The following RBFOX1 variants were observed in gnomAD, a reference collection of about 807,000 sequenced individuals.
RBFOX1 encodes the protein RNA binding protein fox-1 homolog 1.
RBFOX1 carries 8 observed loss-of-function variants against 57.7 expected under a neutral mutation model. The ratio of observed to expected loss-of-function variants is 0.14; its 90% CI spans 0.08 to 0.25. RBFOX1 has a LOEUF of 0.25. Among genes scored for constraint, RBFOX1 ranks in the 10% least tolerant of loss-of-function variants. The probability of loss-of-function intolerance (pLI) is 1.00; values close to 1 mark genes in which losing one functional copy is unlikely to be tolerated. For synonymous variants in RBFOX1, 326 were observed against 222.4 expected (o/e 1.47, Z -4.15); for missense variants, 611 against 548.5 (o/e 1.11, Z -1.14).
intron 3 of RBFOX1, among the ~76,000 whole-genome samples, chr16:6,822,392 G>C (rs1425529817): frequency 6.6e-6 from 1 of 152,182 alleles, no homozygotes; most frequent in Admixed American, 6.5e-5. Flanking sequence ...TGTCAGGGGA[G>C]ATGCCAGCAA....
At chr16:6,877,250 G>C (rs1181006016) in intron 3 of RBFOX1, among the ~76,000 whole-genome samples, 5 of 152,174 alleles carry the variant, frequency 3.3e-5, no homozygotes, top group African/African-American at 1.2e-4. Context: ...CCCACATGTT[G>C]ACATGTCCTA....
At position 6,020,040 on chromosome 16, in the gene RBFOX1, G is replaced by T; in HGVS notation, c.-127+48G>T. 2.8e-6 allele frequency: 4 copies of T among 1,432,412 alleles called. No individual in the cohort carries two copies. In the South Asian group the frequency reaches 4.2e-5, roughly 15 times the overall value. 88.7% of individuals were successfully genotyped at this position (1,432,412 alleles called of 1,614,324 possible). On this transcript the variant is annotated intron_variant, in intron 1 of 15. Coordinates refer to ENST00000550418, the MANE Select transcript of RBFOX1 (RefSeq NM_018723.4). Reference sequence around the variant, plus strand: ...CCTCTGCACCCACCCTGACCTGGTGGGTCAGGTCCAGAAGGTCTCATGGAG... The same window carrying T: ...CCTCTGCACCCACCCTGACCTGGTGTGTCAGGTCCAGAAGGTCTCATGGAG...
intron 2 of RBFOX1, among the ~76,000 whole-genome samples, chr16:6,641,263 A>T (rs767165383): frequency 6.6e-6 from 1 of 152,126 alleles, no homozygotes; most frequent in African/African-American, 2.4e-5. Flanking sequence ...ATTCCTGTTG[A>T]CGTCAGAGGA....
chr16:7,168,583 T>G (rs572395724), intron 4 of RBFOX1, among the ~76,000 whole-genome samples: 1 of 151,988 alleles, frequency 6.6e-6, no homozygotes, highest in Non-Finnish European at 1.5e-5. Flanking sequence ...GTTAGAAGGG[T>G]TTTTCTGGTA....
chr16:5,745,395 A>T (rs530512061), intron 3 of RBFOX1, among the ~76,000 whole-genome samples: 2 of 152,320 alleles, frequency 1.3e-5, no homozygotes, highest in African/African-American at 4.8e-5. Context: ...TAGTGCCGCA[A>T]TAAACATATG....
In RBFOX1 at chr16:6,981,042, C is replaced by CAAAAAAAAAAAAAAAAA. The variant is rs36117809; in HGVS notation, c.-15-71014_-15-70998dup. Among the ~76,000 whole-genome samples, 11 of 77,432 alleles carry CAAAAAAAAAAAAAAAAA rather than the reference C, an allele frequency of 1.4e-4. 2 individuals are homozygous for CAAAAAAAAAAAAAAAAA. Among genetic ancestry groups the CAAAAAAAAAAAAAAAAA allele is most frequent in the African/African-American group, 7.1e-4 (9 of 12,682 alleles). The allele number at this position is 77,432 out of a possible 152,430, so 50.8% of individuals were successfully genotyped here. A position where few individuals can be genotyped will look rare whatever the true frequency, so the allele number is the denominator to read the frequency against. Reference sequence around the variant, plus strand: ...TGGGTGGCAGAGCAAGTCTCAGTCTCAAAAAAAAAAAAAAAAACACTAAAA... The same window carrying CAAAAAAAAAAAAAAAAA: ...TGGGTGGCAGAGCAAGTCTCAGTCTCAAAAAAAAAAAAAAAAAAAAAAAAAAAAAAAAAACACTAAAA... On this transcript the variant is annotated intron_variant, in intron 3 of 15. Coordinates refer to ENST00000550418, the MANE Select transcript of RBFOX1 (RefSeq NM_018723.4).
intron 4 of RBFOX1, among the ~76,000 whole-genome samples, chr16:6,012,041 AC>A (rs1420955093): frequency 6.6e-6 from 1 of 152,188 alleles, no homozygotes; most frequent in Non-Finnish European, 1.5e-5. Flanking sequence ...CAGAGCTGTT[AC>A]CCTGTGCCAG....
intron 2 of RBFOX1, among the ~76,000 whole-genome samples, chr16:6,418,707 T>G (rs866035436): frequency 6.6e-6 from 1 of 151,902 alleles, no homozygotes; most frequent in Non-Finnish European, 1.5e-5. Context: ...AGTAAAATTT[T>G]TATAGAGATG....
At chr16:6,883,362 A>G (rs993232607) in intron 3 of RBFOX1, among the ~76,000 whole-genome samples, 1 of 152,218 alleles carries the variant, frequency 6.6e-6, no homozygotes, top group African/African-American at 2.4e-5. Flanking sequence ...AAAGAGTATA[A>G]TCAAGTAAAT....
chr16:6,327,729 A>G (rs965314687), intron 2 of RBFOX1, among the ~76,000 whole-genome samples: 4 of 152,178 alleles, frequency 2.6e-5, no homozygotes, highest in Admixed American at 6.5e-5. Flanking sequence ...TTCAGAATAC[A>G]TAGATTCTGG....
chr16:5,918,924 T>C (rs1362973041), intron 4 of RBFOX1, among the ~76,000 whole-genome samples: 1 of 152,190 alleles, frequency 6.6e-6, no homozygotes, highest in African/African-American at 2.4e-5. Flanking sequence ...ATGCTGGCTC[T>C]ACAGGTGCTC....
chr16:7,132,427 TACACAGACACACACACACACAC>T (rs963970881), intron 4 of RBFOX1, among the ~76,000 whole-genome samples: 2 of 128,288 alleles, frequency 1.6e-5, no homozygotes, highest in African/African-American at 6.2e-5. Flanking sequence ...GAAATTGTGA[TACACAGACACACACACACACAC>T]ACACACACAC....
At chr16:7,205,202 G>A (rs2089666856) in intron 4 of RBFOX1, among the ~76,000 whole-genome samples, 1 of 152,040 alleles carries the variant, frequency 6.6e-6, no homozygotes, top group Non-Finnish European at 1.5e-5. Context: ...GAATATTTTG[G>A]AAAACTCCAG....
chr16:5,751,525 G>A (rs1407637020), intron 3 of RBFOX1, among the ~76,000 whole-genome samples: 1 of 152,148 alleles, frequency 6.6e-6, no homozygotes, highest in Non-Finnish European at 1.5e-5. Context: ...GTTAGATGAT[G>A]TGGCTGCTGG....
chr16:6,379,222 C>A (rs967645632), intron 2 of RBFOX1, among the ~76,000 whole-genome samples: 14 of 152,014 alleles, frequency 9.2e-5, no homozygotes, highest in African/African-American at 3.4e-4. Flanking sequence ...ATTTGCAGGT[C>A]TGCATCAAAT....
chr16:6,645,954 G>C (rs951036638), intron 2 of RBFOX1, among the ~76,000 whole-genome samples: 2 of 152,264 alleles, frequency 1.3e-5, no homozygotes, highest in Admixed American at 6.5e-5. Flanking sequence ...GTGTGATTCT[G>C]CTATCTGTGT....
chr16:6,582,421 GTTA>G (rs2097548594), intron 2 of RBFOX1, among the ~76,000 whole-genome samples: 1 of 149,672 alleles, frequency 6.7e-6, no homozygotes, highest in Non-Finnish European at 1.5e-5. Context: ...TAATTAAGCA[GTTA>G]TTAATTTTGT....
intron 4 of RBFOX1, among the ~76,000 whole-genome samples, chr16:7,191,536 T>G (rs1407418027): frequency 6.6e-6 from 1 of 152,186 alleles, no homozygotes; most frequent in African/African-American, 2.4e-5. Flanking sequence ...GAGTTGACAT[T>G]TATAACCATG....
At chr16:5,317,378 G>C (rs147508519) in intron 1 of RBFOX1, among the ~76,000 whole-genome samples, 8 of 152,340 alleles carry the variant, frequency 5.3e-5, no homozygotes, top group Middle Eastern at 6.8e-3. Flanking sequence ...GGAGGCTGAG[G>C]TGGGCTGATC....
Sources: gnomAD v4.1 joint callset for allele counts (sites outside exome capture counted in the v4.1 genomes callset) on GRCh38, gnomAD v4.1.1 for gene constraint, MANE v1.5 for transcripts, NCBI Gene and HGNC (gene_info 2026-07-23, HGNC 2026-07-21) for gene names.